KCNIP4: variants seen among roughly 807,000 people sequenced by gnomAD.
KCNIP4 encodes potassium voltage-gated channel interacting protein 4.
KCNIP4 carries 12 observed loss-of-function variants against 34.0 expected under a neutral mutation model. That is an observed-to-expected ratio of 0.35 (90% CI 0.23 to 0.57). The LOEUF (loss-of-function observed/expected upper bound fraction) is 0.57. Among genes scored for constraint, KCNIP4 ranks in the 20% least tolerant of loss-of-function variants. The probability of loss-of-function intolerance (pLI) is 0.83; values close to 1 mark genes in which losing one functional copy is unlikely to be tolerated. For synonymous variants in KCNIP4, 124 were observed against 102.2 expected, an observed-to-expected ratio of 1.21 and a Z score of -1.29; for missense variants, 238 against 311.7, an observed-to-expected ratio of 0.76 and a Z score of 1.78.
intron 3 of KCNIP4, among the ~76,000 whole-genome samples, chr4:20,789,874 G>T (rs1255293898): frequency 6.6e-6 from 1 of 151,860 alleles, no homozygotes; most frequent in Non-Finnish European, 1.5e-5. Flanking sequence ...TATATGGGAA[G>T]GGTTTGTTAT....
chr4:21,417,254 T>C (rs1725033185), intron 1 of KCNIP4, among the ~76,000 whole-genome samples: 1 of 152,030 alleles, frequency 6.6e-6, no homozygotes, highest in Non-Finnish European at 1.5e-5. Flanking sequence ...CATCACATGT[T>C]GGAAAATTAT....
At chr4:21,424,587 G>A (rs1010577544) in intron 1 of KCNIP4, among the ~76,000 whole-genome samples, 11 of 148,054 alleles carry the variant, frequency 7.4e-5, no homozygotes, top group African/African-American at 1.5e-4. Context: ...AGGAAAGAAA[G>A]AAAGAAAGAA....
At chr4:21,834,503 G>C (rs1375402701) in intron 1 of KCNIP4, among the ~76,000 whole-genome samples, 1 of 152,142 alleles carries the variant, frequency 6.6e-6, no homozygotes, top group Non-Finnish European at 1.5e-5. Flanking sequence ...CTGAGACAGT[G>C]GGGTTTTCTA....
intron 1 of KCNIP4, among the ~76,000 whole-genome samples, chr4:21,779,145 C>T (rs956635957): frequency 1.3e-5 from 2 of 152,030 alleles, no homozygotes; most frequent in Admixed American, 1.3e-4. Context: ...CTTGTTTCCT[C>T]AGAAAGACAT....
chr4:20,828,050 G>A (rs1415421592), intron 3 of KCNIP4, among the ~76,000 whole-genome samples: 2 of 152,084 alleles, frequency 1.3e-5, no homozygotes, highest in Non-Finnish European at 2.9e-5. Context: ...TTTGGGAAGT[G>A]GAAGGAATTG....
At chr4:21,208,691 A>G (rs1757021875) in intron 1 of KCNIP4, among the ~76,000 whole-genome samples, 1 of 151,940 alleles carries the variant, frequency 6.6e-6, no homozygotes, top group Non-Finnish European at 1.5e-5. Context: ...GCTCTTTTTC[A>G]TCAGTCTTTA....
chr4:20,814,581 C>A (rs1326277333), intron 3 of KCNIP4, among the ~76,000 whole-genome samples: 2 of 152,204 alleles, frequency 1.3e-5, no homozygotes, highest in Non-Finnish European at 2.9e-5. Flanking sequence ...TCTGTGATTG[C>A]ACCTCTCCCT....
chr4:21,648,406 G>C (rs1424553041), intron 1 of KCNIP4, among the ~76,000 whole-genome samples: 2 of 152,174 alleles, frequency 1.3e-5, no homozygotes, highest in South Asian at 2.1e-4. Context: ...ATATGTTATA[G>C]TTCAGGGAAG....
At chr4:21,541,784 G>A (rs561861633) in intron 1 of KCNIP4, among the ~76,000 whole-genome samples, 34 of 152,062 alleles carry the variant, frequency 2.2e-4, no homozygotes, top group Non-Finnish European at 4.6e-4. Flanking sequence ...TAGGAACACA[G>A]GCACCTGCCA....
chr4:20,845,293 C>T (rs1720227965), intron 3 of KCNIP4, among the ~76,000 whole-genome samples: 1 of 152,154 alleles, frequency 6.6e-6, no homozygotes, highest in Non-Finnish European at 1.5e-5. Flanking sequence ...CCTGTCTTAG[C>T]TGATTAGGTA....
chr4:21,666,013 A>G (rs558433973), intron 1 of KCNIP4, among the ~76,000 whole-genome samples: 1 of 152,350 alleles, frequency 6.6e-6, no homozygotes, highest in Admixed American at 6.5e-5. Context: ...AAAATCAGTG[A>G]TTAAAGCCAA....
At chr4:21,493,356 T>C (rs915107281) in intron 1 of KCNIP4, among the ~76,000 whole-genome samples, 7 of 152,046 alleles carry the variant, frequency 4.6e-5, no homozygotes, top group African/African-American at 1.7e-4. Context: ...GGGAAATACA[T>C]ACATCCAAGC....
chr4:21,243,427 T>G (rs1346226680), intron 1 of KCNIP4, among the ~76,000 whole-genome samples: 1 of 152,148 alleles, frequency 6.6e-6, no homozygotes, highest in Non-Finnish European at 1.5e-5. Flanking sequence ...GCAGATGGCA[T>G]TGTACATAAA....
chr4:21,414,025 T>C (rs1452972412), intron 1 of KCNIP4, among the ~76,000 whole-genome samples: 1 of 152,164 alleles, frequency 6.6e-6, no homozygotes, highest in African/African-American at 2.4e-5. Flanking sequence ...TGTCAGTCAG[T>C]AGTGTAAACA....
chr4:21,870,472 A>T (rs1725722601), intron 1 of KCNIP4, among the ~76,000 whole-genome samples: 1 of 152,174 alleles, frequency 6.6e-6, no homozygotes. Context: ...GAGATTTTAT[A>T]TGCTACTGAT....
chr4:21,914,798 G>GAA (rs1467760453), intron 1 of KCNIP4, among the ~76,000 whole-genome samples: 31 of 152,022 alleles, frequency 2.0e-4, no homozygotes, highest in Non-Finnish European at 4.0e-4. Context: ...CAAGAGCAGT[G>GAA]GCATCACCTT....
At chr4:20,857,652 C>T (rs547693849) in intron 2 of KCNIP4, among the ~76,000 whole-genome samples, 1 of 146,176 alleles carries the variant, frequency 6.8e-6, no homozygotes, top group African/African-American at 2.6e-5. Flanking sequence ...GATGCCACAG[C>T]TTATGTTCTT....
intron 3 of KCNIP4, among the ~76,000 whole-genome samples, chr4:20,791,243 C>T (rs1033722665): frequency 6.6e-6 from 1 of 152,052 alleles, no homozygotes; most frequent in Non-Finnish European, 1.5e-5. Context: ...ACAAAATAGA[C>T]ATTTTTAGAT....
At chr4:21,415,621 G>A (rs1724891577) in intron 1 of KCNIP4, among the ~76,000 whole-genome samples, 1 of 152,094 alleles carries the variant, frequency 6.6e-6, no homozygotes, top group Non-Finnish European at 1.5e-5. Context: ...AGAATCACTT[G>A]AATCCGGGAG....
Sources: allele counts gnomAD v4.1 joint callset (sites outside exome capture counted in the v4.1 genomes callset), GRCh38; gene constraint gnomAD v4.1.1; transcripts MANE v1.5; gene names NCBI Gene and HGNC (gene_info 2026-07-23, HGNC 2026-07-21).